STIL: variants seen among roughly 807,000 people sequenced by gnomAD.
STIL encodes STIL centriolar assembly protein.
In STIL, 55 loss-of-function variants were observed where a neutral mutation model predicts 110.1. That is an observed-to-expected ratio of 0.50 (90% CI 0.40 to 0.63). The LOEUF is 0.63. STIL is among the 20% of genes least tolerant of loss of function. STIL has a pLI of 0.00. For synonymous variants in STIL, 481 were observed against 530.0 expected (o/e 0.91, Z 1.27); for missense variants, 1,358 against 1,530.0 (o/e 0.89, Z 1.87).
intron 8 of STIL, among the ~76,000 whole-genome samples, chr1:47,291,513 G>A (rs1201003649): frequency 6.6e-6 from 1 of 151,514 alleles, no homozygotes; most frequent in South Asian, 2.1e-4. Flanking sequence ...AGTACTCATC[G>A]CCTTTTAACA....
At chr1:47,307,688 G>A (rs892691513) in intron 2 of STIL, among the ~76,000 whole-genome samples, 2 of 152,216 alleles carry the variant, frequency 1.3e-5, no homozygotes, top group African/African-American at 4.8e-5. Flanking sequence ...AACAGCAATT[G>A]TTCAGGGAAT....
In STIL at chr1:47,302,300, G is replaced by T; in HGVS notation, c.199C>A (p.Arg67Ser). 3 of 1,614,070 alleles carry T rather than the reference G, an allele frequency of 1.9e-6. No individual in the cohort carries two copies. Among genetic ancestry groups the T allele is most frequent in the Non-Finnish European group, 2.5e-6 (3 of 1,180,006 alleles). Reference protein sequence around the residue: ...VTEKTIRLAYRHAKQNKKNSS... With the variant: ...VTEKTIRLAYSHAKQNKKNSS... ...TTTTTTTTATTCTGCTTAGCATGAC[G>T]ATAAGCAAGTCGGATGGTCTTCTCA... is the stretch of plus-strand genomic sequence containing the variant. Residue 67 changes from arginine (R) to serine (S), a missense_variant, in exon 4 of 17, where the codon CGT (arginine) becomes AGT (serine). Physicochemically the swap from Arg to Ser is moderately radical, Grantham distance 110. Coordinates refer to ENST00000371877, the MANE Select transcript of STIL (RefSeq NM_001048166.1).
At chr1:47,267,737 T>C (rs1644696932) in intron 14 of STIL, among the ~76,000 whole-genome samples, 1 of 145,408 alleles carries the variant, frequency 6.9e-6, no homozygotes. Flanking sequence ...TGAGACTTAG[T>C]CTTGCTCTGT....
intron 5 of STIL, among the ~76,000 whole-genome samples, chr1:47,300,962 G>A (rs1050027247): frequency 1.3e-5 from 2 of 152,108 alleles, no homozygotes; most frequent in African/African-American, 2.4e-5. Context: ...TTCTACAATG[G>A]CTACTCTAAC....
In STIL at chr1:47,251,422, G is replaced by A. The variant is rs144746030; in HGVS notation, c.3581C>T (p.Pro1194Leu). 2,338 of 1,614,074 alleles carry A rather than the reference G, an allele frequency of 1.4e-3. 5 individuals are homozygous for A. Among genetic ancestry groups the A allele is most frequent in the Non-Finnish European group, 1.5e-3 (1,719 of 1,180,032 alleles). Reference sequence around the variant, plus strand: ...TTCATTTGTAATATTTCTCAATACTGGCGTATCTGCGTTGGTCCCCACAGA... The same window carrying A: ...TTCATTTGTAATATTTCTCAATACTAGCGTATCTGCGTTGGTCCCCACAGA... The part of the protein sequence containing the change: ...CESVGTNADT[P>L]VLRNITNEVL... The change falls in exon 17 of 17, where the codon CCA becomes CTA. Residue 1194 changes from proline to leucine, a missense_variant. By Grantham distance (98) the Pro-to-Leu change is moderately conservative. Transcript: ENST00000371877.
Position 47,251,420 on chromosome 1 carries a change from C to G in STIL, c.3583G>C (p.Val1195Leu). 6.2e-7 allele frequency: 1 copy of G among 1,614,204 alleles called. No individual in the cohort carries two copies. Among genetic ancestry groups the G allele is most frequent in the Non-Finnish European group, 8.5e-7 (1 of 1,180,028 alleles). ...ACTTCATTTGTAATATTTCTCAATA[C>G]TGGCGTATCTGCGTTGGTCCCCACA... ...ESVGTNADTP[V>L]LRNITNEVLQ... The change falls in exon 17 of 17, where the codon GTA (valine) becomes CTA (leucine). Residue 1195 changes from valine to leucine, a missense_variant. By Grantham distance (32) the Val-to-Leu change is conservative (BLOSUM62 1). Coordinates refer to ENST00000371877, the MANE Select transcript of STIL (RefSeq NM_001048166.1).
At chr1:47,261,601 G>A (rs1472778314) in intron 15 of STIL, among the ~76,000 whole-genome samples, 1 of 151,978 alleles carries the variant, frequency 6.6e-6, no homozygotes, top group Admixed American at 6.6e-5. Flanking sequence ...TTAGCCGGGT[G>A]TGGTGGCGTG....
At chr1:47,302,143 ACTC>A (rs1394186372) in intron 4 of STIL, 88 bp downstream of exon 4, 11 of 924,154 alleles carry the variant, frequency 1.2e-5, no homozygotes, top group Middle Eastern at 2.1e-4. Flanking sequence ...CTGGTCTTAA[ACTC>A]CTAGGTTCAA....
chr1:47,270,362 GA>G, intron 13 of STIL, among the ~76,000 whole-genome samples: 1 of 149,700 alleles, frequency 6.7e-6, no homozygotes, highest in Middle Eastern at 3.2e-3. Context: ...GTGGAAGACA[GA>G]AAGACAAAAC....
chr1:47,291,307 G>C (rs1645482329), intron 8 of STIL, among the ~76,000 whole-genome samples: 1 of 152,018 alleles, frequency 6.6e-6, no homozygotes, highest in Admixed American at 6.6e-5. Flanking sequence ...GTTTCTGTGA[G>C]CTGAGATTGA....
At chr1:47,307,087 G>T (rs1049927484) in intron 2 of STIL, among the ~76,000 whole-genome samples, 1 of 152,172 alleles carries the variant, frequency 6.6e-6, no homozygotes, top group African/African-American at 2.4e-5. Flanking sequence ...GGGGGAAGAG[G>T]TTTCAGTGAG....
intron 14 of STIL, 76 bp from the exon 15 acceptor site, chr1:47,263,192 AG>A: frequency 7.3e-7 from 1 of 1,375,848 alleles, no homozygotes. Flanking sequence ...TTTAGAAAAA[AG>A]GGTTAAGACT....
chr1:47,293,334 A>T, intron 8 of STIL, 124 bp downstream of exon 8: 1 of 738,592 alleles, frequency 1.4e-6, no homozygotes, highest in African/African-American at 1.8e-5. Flanking sequence ...TTTTTTCTTA[A>T]TGTACGTGTT....
chr1:47,265,480 C>T (rs1364942136), intron 14 of STIL, among the ~76,000 whole-genome samples: 1 of 151,272 alleles, frequency 6.6e-6, no homozygotes. Context: ...TTTTTAATTA[C>T]TTTTTTTGAA....
intron 14 of STIL, among the ~76,000 whole-genome samples, chr1:47,265,252 A>AAAAC (rs1644610731): frequency 1.3e-5 from 2 of 150,488 alleles, no homozygotes; most frequent in Non-Finnish European, 1.5e-5. Flanking sequence ...AAAAAAAAAA[A>AAAAC]AAAAAAAACA....
At chr1:47,314,412 C>T (rs1220449860), upstream of STIL, among the ~76,000 whole-genome samples, 3 of 152,174 alleles carry the variant, frequency 2.0e-5, no homozygotes, top group Non-Finnish European at 2.9e-5. Flanking sequence ...GGTTAAGTTC[C>T]GGGGCGGGGT....
intron 13 of STIL, among the ~76,000 whole-genome samples, 160 bp from the exon 14 acceptor site, chr1:47,270,026 C>T (rs951933446): frequency 4.4e-4 from 67 of 152,102 alleles, no homozygotes; most frequent in Non-Finnish European, 2.9e-4. Context: ...CACTTGAGCT[C>T]AGGAGTTCGA....
chr1:47,291,178 G>T (rs1338628145), intron 8 of STIL, among the ~76,000 whole-genome samples: 8 of 152,078 alleles, frequency 5.3e-5, no homozygotes, highest in Non-Finnish European at 1.2e-4. Flanking sequence ...TGACCAACAT[G>T]GAGAAACCCT....
intron 14 of STIL, among the ~76,000 whole-genome samples, chr1:47,263,744 GTTTTTTTTTTTTTTTT>G (rs60915271): frequency 1.0e-5 from 1 of 98,312 alleles, no homozygotes; most frequent in African/African-American, 4.2e-5. Context: ...TTCATTCCAA[GTTTTTTTTTTTTTTTT>G]TTTTTTTTTT....
Sources: allele counts gnomAD v4.1 joint callset (sites outside exome capture counted in the v4.1 genomes callset), GRCh38; gene constraint gnomAD v4.1.1; transcripts MANE v1.5; gene names NCBI Gene and HGNC (gene_info 2026-07-23, HGNC 2026-07-21).